The following DAB1 variants were observed in gnomAD, a reference collection of about 807,000 sequenced individuals.
DAB1 encodes disabled homolog 1.
Under a neutral mutation model 64.6 loss-of-function variants are expected in DAB1, and 15 were observed. That is an observed-to-expected ratio of 0.23 (90% CI 0.16 to 0.36). The LOEUF is 0.36. Among genes scored for constraint, DAB1 ranks in the 10% least tolerant of loss-of-function variants. The pLI, the probability that DAB1 is intolerant of heterozygous loss-of-function variation, is 1.00. For missense variants in DAB1, 596 were observed against 706.7 expected (o/e 0.84, Z 1.78); for synonymous variants, 235 against 251.9 (o/e 0.93, Z 0.64).
intron 8 of DAB1, among the ~76,000 whole-genome samples, chr1:57,066,236 T>C (rs1407917945): frequency 5.9e-5 from 9 of 152,198 alleles, no homozygotes; most frequent in Non-Finnish European, 1.2e-4. Flanking sequence ...TGTTCAGGCA[T>C]TGAAGAACAC....
At chr1:57,692,568 T>C (rs1258027662) in intron 6 of DAB1, among the ~76,000 whole-genome samples, 1 of 151,784 alleles carries the variant, frequency 6.6e-6, no homozygotes, top group Non-Finnish European at 1.5e-5. Context: ...GAGATGGAAA[T>C]AGTAAAGAAA....
intron 2 of DAB1, among the ~76,000 whole-genome samples, chr1:57,259,261 AG>A (rs1387027717): frequency 6.6e-6 from 1 of 152,298 alleles, no homozygotes; most frequent in Non-Finnish European, 1.5e-5. Context: ...ACACAGGCAC[AG>A]CCCTTGTCCT....
intron 1 of DAB1, among the ~76,000 whole-genome samples, chr1:57,360,329 A>G (rs1234151517): frequency 1.3e-5 from 2 of 152,152 alleles, no homozygotes; most frequent in Non-Finnish European, 2.9e-5. Flanking sequence ...GGGTTAAAAC[A>G]AACTGCCCAT....
chr1:57,368,238 C>T (rs1434726370), intron 1 of DAB1, among the ~76,000 whole-genome samples: 1 of 152,192 alleles, frequency 6.6e-6, no homozygotes, highest in Non-Finnish European at 1.5e-5. Flanking sequence ...CTGCAGGGGG[C>T]CCCTTGGCAC....
chr1:57,833,886 A>C (rs1323802939), intron 1 of DAB1, among the ~76,000 whole-genome samples: 2 of 152,226 alleles, frequency 1.3e-5, no homozygotes, highest in African/African-American at 2.4e-5. Flanking sequence ...CATGGCCATA[A>C]AGCCCTCAGG....
chr1:57,962,944 C>T (rs558225578), intron 5 of DAB1, among the ~76,000 whole-genome samples: 1 of 151,876 alleles, frequency 6.6e-6, no homozygotes, highest in South Asian at 2.1e-4. Context: ...TTATTTTTCC[C>T]CCAATTTTAT....
chr1:58,254,705 C>T (rs1233417175), intron 4 of DAB1, among the ~76,000 whole-genome samples: 1 of 53,406 alleles, frequency 1.9e-5, no homozygotes, highest in African/African-American at 9.8e-5. Flanking sequence ...ATCCATGTCC[C>T]TACAAAGGAC....
intron 1 of DAB1, among the ~76,000 whole-genome samples, chr1:57,294,936 G>A (rs1673064061): frequency 6.6e-6 from 1 of 152,148 alleles, no homozygotes; most frequent in Non-Finnish European, 1.5e-5. Context: ...CTGCAACGTG[G>A]ATGAACCCTG....
chr1:58,355,056 G>A lies in DAB1; in HGVS notation n.258-11653C>T, dbSNP rs114101784. On this transcript the variant is annotated intron_variant and non_coding_transcript_variant, in intron 3 of 20. Transcript: ENST00000485760. ...ATAACTCAATGGATATTTATTGAAC[G>A]TCTCCTGTGTGCTGTTCTGGGTGTT... Among the ~76,000 whole-genome samples, 1,030 of 152,198 alleles carry A rather than the reference G, an allele frequency of 6.8e-3. 13 individuals are homozygous for A. Among genetic ancestry groups the A allele is most frequent in the African/African-American group, 0.024 (980 of 41,530 alleles).
chr1:58,423,164 T>A (rs1482685440), intron 3 of DAB1, among the ~76,000 whole-genome samples: 1 of 152,198 alleles, frequency 6.6e-6, no homozygotes, highest in Non-Finnish European at 1.5e-5. Context: ...GTTGTCCATA[T>A]AAAGCCTGAG....
chr1:58,085,958 CTTT>C (rs911523306), intron 5 of DAB1, among the ~76,000 whole-genome samples: 2 of 98,722 alleles, frequency 2.0e-5, no homozygotes, highest in Non-Finnish European at 3.7e-5. Flanking sequence ...ATCTCTCTCT[CTTT>C]TTTTTTTTTT....
intron 2 of DAB1, among the ~76,000 whole-genome samples, chr1:57,190,829 G>A (rs574184340): frequency 1.3e-5 from 2 of 152,272 alleles, no homozygotes; most frequent in East Asian, 1.9e-4. Context: ...ACTGTTGACC[G>A]AGGGGCTCCA....
At chr1:58,373,442 A>G (rs187788741) in intron 3 of DAB1, among the ~76,000 whole-genome samples, 27,939 of 147,312 alleles carry the variant, frequency 0.19, 2,786 homozygotes, top group Middle Eastern at 0.3. Context: ...TTGTTCTTGC[A>G]ATAGTTTACT....
At chr1:57,495,875 A>AATTCAAC (rs1364633466) in intron 7 of DAB1, among the ~76,000 whole-genome samples, 6 of 152,152 alleles carry the variant, frequency 3.9e-5, no homozygotes, top group African/African-American at 1.4e-4. Context: ...CAACTGTCAG[A>AATTCAAC]ATTCAACATC....
chr1:57,533,604 T>G (rs1372827237), intron 7 of DAB1, among the ~76,000 whole-genome samples: 4 of 150,428 alleles, frequency 2.7e-5, no homozygotes, highest in African/African-American at 9.8e-5. Flanking sequence ...AAGGGTTATG[T>G]GATTGTTGTG....
chr1:58,429,461 G>A (rs1036525836), intron 3 of DAB1, among the ~76,000 whole-genome samples: 4 of 152,204 alleles, frequency 2.6e-5, no homozygotes, highest in Non-Finnish European at 2.9e-5. Flanking sequence ...GTGGGAGGAC[G>A]ATCACAGTGA....
intron 4 of DAB1, among the ~76,000 whole-genome samples, chr1:58,318,097 T>C (rs1662599380): frequency 6.6e-6 from 1 of 152,202 alleles, no homozygotes; most frequent in East Asian, 1.9e-4. Flanking sequence ...CAAGTGACCA[T>C]ATGGCCTAAT....
chr1:58,511,968 A>G lies in DAB1; in HGVS notation n.108-5759T>C, dbSNP rs190451081. ...CAGCTAAGGAAACAGAGTGAAAGGC[A>G]ATCTACAGAATGGGAAAAACCATTT... On this transcript the variant is annotated intron_variant and non_coding_transcript_variant, in intron 2 of 20. Coordinates refer to the DAB1 transcript ENST00000485760. 4.5e-4 allele frequency among the ~76,000 whole-genome samples: 69 copies of G among 152,324 alleles called. 1 individual carries two copies. The East Asian group carries it at 0.013, about 29-fold the overall frequency.
At chr1:58,412,207 T>A (rs556098089) in intron 3 of DAB1, among the ~76,000 whole-genome samples, 1 of 151,850 alleles carries the variant, frequency 6.6e-6, no homozygotes, top group African/African-American at 2.4e-5. Flanking sequence ...CAGAAAGGAG[T>A]CATTCTGAGG....
Sources: gnomAD v4.1 joint callset for allele counts (sites outside exome capture counted in the v4.1 genomes callset) on GRCh38, gnomAD v4.1.1 for gene constraint, MANE v1.5 for transcripts, NCBI Gene and HGNC (gene_info 2026-07-23, HGNC 2026-07-21) for gene names.